PEBP4: variants seen among roughly 807,000 people sequenced by gnomAD.
PEBP4 encodes the protein phosphatidylethanolamine-binding protein 4.
In PEBP4, 22 loss-of-function variants were observed where a neutral mutation model predicts 23.9. The ratio of observed to expected loss-of-function variants is 0.92; its 90% confidence interval spans 0.66 to 1.31. PEBP4 has a LOEUF of 1.31. Among genes scored for constraint, PEBP4 ranks in the 40% most tolerant of loss-of-function variants. The pLI is 0.00. For missense variants in PEBP4, 324 were observed against 281.7 expected (o/e 1.15, Z -1.07); for synonymous variants, 112 against 99.3 (o/e 1.13, Z -0.76).
At chr8:22,731,335 A>C (rs904275848) in intron 4 of PEBP4, among the ~76,000 whole-genome samples, 1 of 152,204 alleles carries the variant, frequency 6.6e-6, no homozygotes, top group East Asian at 1.9e-4. Context: ...TGTGAAGATG[A>C]TGAGGATGGA....
At chr8:22,880,808 C>T (rs1808237987) in intron 3 of PEBP4, among the ~76,000 whole-genome samples, 1 of 152,234 alleles carries the variant, frequency 6.6e-6, no homozygotes, top group African/African-American at 2.4e-5. Flanking sequence ...CAGCCTAGAC[C>T]CAGACTCTGC....
At chr8:22,838,691 C>T (rs1218674281) in intron 3 of PEBP4, among the ~76,000 whole-genome samples, 1 of 152,258 alleles carries the variant, frequency 6.6e-6, no homozygotes, top group East Asian at 1.9e-4. Flanking sequence ...AGAGCTGGGG[C>T]GATGCTGCCA....
chr8:22,917,686 A>C (rs1477115772), intron 3 of PEBP4, among the ~76,000 whole-genome samples: 1 of 152,134 alleles, frequency 6.6e-6, no homozygotes. Context: ...TCACACCTTG[A>C]CTTGCATTCA....
intron 3 of PEBP4, among the ~76,000 whole-genome samples, chr8:22,880,846 A>C (rs1461330698): frequency 1.3e-5 from 2 of 152,348 alleles, no homozygotes; most frequent in Non-Finnish European, 2.9e-5. Context: ...CCAGCCCACC[A>C]GGAGCTTCTA....
At chr8:22,787,444 C>T (rs544099512) in intron 4 of PEBP4, among the ~76,000 whole-genome samples, 3 of 151,458 alleles carry the variant, frequency 2.0e-5, no homozygotes, top group South Asian at 4.2e-4. Flanking sequence ...TTGGCAGAGG[C>T]GGGGGAGGGG....
chr8:22,921,521 C>T (rs991129026), intron 2 of PEBP4, among the ~76,000 whole-genome samples: 1 of 152,220 alleles, frequency 6.6e-6, no homozygotes, highest in African/African-American at 2.4e-5. Flanking sequence ...TCCCACCTTC[C>T]ACCTCCCACC....
intron 3 of PEBP4, among the ~76,000 whole-genome samples, chr8:22,847,010 A>T (rs985886018): frequency 1.3e-5 from 2 of 152,140 alleles, no homozygotes; most frequent in African/African-American, 2.4e-5. Flanking sequence ...AAAAATTTTT[A>T]AAAAATAAAA....
At chr8:22,732,484 T>C (rs956702694) in intron 4 of PEBP4, among the ~76,000 whole-genome samples, 1 of 152,096 alleles carries the variant, frequency 6.6e-6, no homozygotes, top group Non-Finnish European at 1.5e-5. Flanking sequence ...TATGGGTCTA[T>C]AGGTGCAGCA....
chr8:22,883,827 T>G (rs1421025947), intron 3 of PEBP4: 1 of 152,212 alleles, frequency 6.6e-6, no homozygotes, highest in Non-Finnish European at 1.5e-5. Context: ...CATTTTGTCT[T>G]ATATGATTGT....
At position 22,765,152 on chromosome 8, in the gene PEBP4, T is replaced by TTCCTTC. The variant is rs1375605717; in HGVS notation, c.358-37933_358-37932insGAAGGA. Among the ~76,000 whole-genome samples, 36 of 66,826 alleles carry TTCCTTC rather than the reference T, an allele frequency of 5.4e-4. No homozygotes were observed. In the South Asian group the frequency reaches 9.8e-3, roughly 18 times the overall value. 43.8% of individuals were successfully genotyped at this position (66,826 alleles called of 152,430 possible). A position where few individuals can be genotyped will look rare whatever the true frequency, so the allele number is the denominator to read the frequency against. On this transcript the variant is annotated intron_variant, in intron 4 of 6. Coordinates refer to ENST00000256404, the MANE Select transcript of PEBP4 (RefSeq NM_144962.3). Reference sequence around the variant, plus strand: ...TCCTTCCTTCCTTCCTTCCTTCCTTTCTTTCTTCTGAGACAGCATCTTGAT... The same window carrying TTCCTTC: ...TCCTTCCTTCCTTCCTTCCTTCCTTTTCCTTCCTTTCTTCTGAGACAGCATCTTGAT...
chr8:22,821,533 C>G (rs1227783403), intron 3 of PEBP4, among the ~76,000 whole-genome samples: 1 of 152,108 alleles, frequency 6.6e-6, no homozygotes, highest in Non-Finnish European at 1.5e-5. Flanking sequence ...TTGAAATCAA[C>G]AGGGAGAGAT....
chr8:22,921,293 C>T (rs990791114), intron 2 of PEBP4, among the ~76,000 whole-genome samples: 5 of 152,202 alleles, frequency 3.3e-5, no homozygotes, highest in Admixed American at 3.3e-4. Flanking sequence ...GTGGGTGTTG[C>T]AGGTCCCCAG....
At chr8:22,881,322 C>T (rs1203249354) in intron 3 of PEBP4, among the ~76,000 whole-genome samples, 2 of 152,236 alleles carry the variant, frequency 1.3e-5, no homozygotes, top group African/African-American at 4.8e-5. Context: ...CTATCACCTA[C>T]AAGGACTTGT....
chr8:22,912,335 C>CACTACCGG (rs1194747233), intron 3 of PEBP4, among the ~76,000 whole-genome samples: 2 of 152,244 alleles, frequency 1.3e-5, no homozygotes, highest in East Asian at 3.8e-4. Flanking sequence ...GTGTATCCCT[C>CACTACCGG]ACTACCGGAA....
chr8:22,819,397 A>T (rs1806811369), intron 3 of PEBP4, among the ~76,000 whole-genome samples: 1 of 152,222 alleles, frequency 6.6e-6, no homozygotes, highest in Admixed American at 6.5e-5. Flanking sequence ...CACTGTTATC[A>T]CGATAAGACC....
intron 4 of PEBP4, among the ~76,000 whole-genome samples, chr8:22,758,391 C>T (rs1585257473): frequency 6.6e-6 from 1 of 152,328 alleles, no homozygotes; most frequent in South Asian, 2.1e-4. Context: ...TGGTTTTGGT[C>T]ACATGTTCTT....
chr8:22,814,885 C>T (rs1469154020), intron 4 of PEBP4, among the ~76,000 whole-genome samples: 2 of 151,686 alleles, frequency 1.3e-5, no homozygotes, highest in African/African-American at 4.9e-5. Context: ...TGGGAGTGAA[C>T]CGGGGGGTGG....
At chr8:22,755,087 C>T (rs530888257) in intron 4 of PEBP4, among the ~76,000 whole-genome samples, 13 of 152,316 alleles carry the variant, frequency 8.5e-5, no homozygotes, top group Admixed American at 2.0e-4. Context: ...ATTCCACTCC[C>T]GGGTTTCGAA....
Position 22,754,140 on chromosome 8 carries a change from C to T in PEBP4, c.358-26920G>A, listed in dbSNP as rs780589477. ...CTCAGGATGGGCTCTGGGCTTTCAG[C>T]GGCTCTCCAAGCCCCAGGGTCTGAT... On this transcript the variant is annotated intron_variant, in intron 4 of 6. Coordinates refer to ENST00000256404, the MANE Select transcript of PEBP4 (RefSeq NM_144962.3). Among the ~76,000 whole-genome samples the T allele has an allele frequency of 8.5e-5, 13 of 152,252 alleles. No homozygotes were observed. In the East Asian group the frequency reaches 1.4e-3, roughly 16 times the overall value.
Sources: allele counts gnomAD v4.1 joint callset (sites outside exome capture counted in the v4.1 genomes callset), GRCh38; gene constraint gnomAD v4.1.1; transcripts MANE v1.5; gene names NCBI Gene and HGNC (gene_info 2026-07-23, HGNC 2026-07-21).